Variants in RNGTT observed in about 807,000 individuals in gnomAD.
RNGTT encodes RNA guanylyltransferase and 5'-phosphatase, also known as mRNA-capping enzyme.
RNGTT carries 33 observed loss-of-function variants against 79.3 expected under a neutral mutation model. That is an observed-to-expected ratio of 0.42 (90% CI 0.32 to 0.56). The LOEUF (loss-of-function observed/expected upper bound fraction) is 0.56, where lower values mean the gene tolerates loss of function less well. Ranked by LOEUF, RNGTT falls within the 20% of genes least tolerant of loss-of-function variation. The pLI is 0.17. For synonymous variants in RNGTT, 222 were observed against 235.9 expected (o/e 0.94, Z 0.54); for missense variants, 497 against 739.1 (o/e 0.67, Z 3.80).
At chr6:88,867,821 A>G (rs1782223320) in intron 8 of RNGTT, among the ~76,000 whole-genome samples, 1 of 152,224 alleles carries the variant, frequency 6.6e-6, no homozygotes, top group Non-Finnish European at 1.5e-5. Flanking sequence ...AATGAATGCT[A>G]AAAGTAAGCT....
At chr6:88,885,485 A>C (rs1336496732) in intron 8 of RNGTT, among the ~76,000 whole-genome samples, 1 of 152,226 alleles carries the variant, frequency 6.6e-6, no homozygotes, top group Non-Finnish European at 1.5e-5. Context: ...GGAATAAAAA[A>C]AGCAAGAAAA....
chr6:88,826,805 T>C (rs552746363), intron 11 of RNGTT, among the ~76,000 whole-genome samples: 7 of 109,712 alleles, frequency 6.4e-5, no homozygotes, highest in East Asian at 2.5e-4. Flanking sequence ...AAAAAATATA[T>C]ATATATATAT....
At chr6:88,822,163 G>A (rs1245402484) in intron 11 of RNGTT, among the ~76,000 whole-genome samples, 2 of 152,062 alleles carry the variant, frequency 1.3e-5, no homozygotes, top group Non-Finnish European at 2.9e-5. Flanking sequence ...CTAGGCAAAA[G>A]GCCACTGCTA....
In RNGTT at chr6:88,844,409, T is replaced by G; in HGVS notation, c.1217A>C (p.Glu406Ala). The G allele has an allele frequency of 6.2e-7, 1 of 1,614,090 alleles. No individual in the cohort carries two copies. Among genetic ancestry groups the G allele is most frequent in the Non-Finnish European group, 8.5e-7 (1 of 1,179,978 alleles). The change falls in exon 11 of 16, where the codon GAA (glutamate) becomes GCA (alanine). Residue 406 changes from glutamate to alanine, a missense_variant. Glu to Ala is a moderately radical substitution (Grantham distance 107). Transcript: ENST00000369485. Reference protein sequence around the residue: ...MKTGLIDKTQEPFSVRNKPFF... With the variant: ...MKTGLIDKTQAPFSVRNKPFF... ...CGGCTTATTTCTGACGCTAAATGGT[T>G]CCTGTGTTTTGTCAATGAGCCCAGT... is the stretch of plus-strand genomic sequence containing the variant.
chr6:88,875,870 GA>G (rs1450735837), intron 8 of RNGTT, among the ~76,000 whole-genome samples: 1 of 151,954 alleles, frequency 6.6e-6, no homozygotes, highest in African/African-American at 2.4e-5. Flanking sequence ...AATCTTTTAA[GA>G]AAAAAATTCA....
chr6:88,886,798 T>C (rs1239618535), intron 8 of RNGTT, among the ~76,000 whole-genome samples: 3 of 152,200 alleles, frequency 2.0e-5, no homozygotes, highest in Non-Finnish European at 4.4e-5. Context: ...ACAACTAATA[T>C]AAATTTCTCA....
At chr6:88,900,294 T>C (rs1248938631) in intron 6 of RNGTT, among the ~76,000 whole-genome samples, 2 of 152,098 alleles carry the variant, frequency 1.3e-5, no homozygotes, top group African/African-American at 4.8e-5. Context: ...GATGAAGAAT[T>C]CCAGAAGAGA....
intron 14 of RNGTT, among the ~76,000 whole-genome samples, chr6:88,665,046 G>A (rs1774346122): frequency 6.6e-6 from 1 of 152,156 alleles, no homozygotes; most frequent in South Asian, 2.1e-4. Flanking sequence ...CCTTTGTTAG[G>A]AAGGGACCTG....
rs141825019 is a variant in RNGTT, at chr6:88,669,069, T to C, written c.1506+9284A>G. The stretch of plus-strand genomic sequence containing the variant: ...GTAACCCATTAGAATTAATAATTAC[T>C]AACCCCCAGGATCCCCACTGGAAGA... On this transcript the variant is annotated intron_variant, in intron 14 of 15. Transcript: ENST00000369485. Among the ~76,000 whole-genome samples, 231 of 152,252 alleles carry C rather than the reference T, an allele frequency of 1.5e-3. 1 individual carries two copies. In the Middle Eastern group the frequency reaches 0.048, roughly 31 times the overall value.
intron 15 of RNGTT, 65 bp downstream of exon 15, chr6:88,614,207 C>G: frequency 6.6e-7 from 1 of 1,524,358 alleles, no homozygotes; most frequent in Non-Finnish European, 9.0e-7. Flanking sequence ...AGGCAGCACA[C>G]TTTGGGTCTA....
chr6:88,905,692 T>C (rs1783630364), intron 5 of RNGTT, among the ~76,000 whole-genome samples: 1 of 152,204 alleles, frequency 6.6e-6, no homozygotes, highest in African/African-American at 2.4e-5. Context: ...TAAAGACATG[T>C]TGATTGGCTT....
At chr6:88,676,616 C>T (rs1252106906) in intron 14 of RNGTT, among the ~76,000 whole-genome samples, 3 of 152,068 alleles carry the variant, frequency 2.0e-5, no homozygotes, top group Non-Finnish European at 4.4e-5. Context: ...TCTTTGAGGA[C>T]ACTGTTAAGA....
chr6:88,772,291 T>C (rs578114546), intron 12 of RNGTT, among the ~76,000 whole-genome samples: 1 of 149,056 alleles, frequency 6.7e-6, no homozygotes, highest in Non-Finnish European at 1.5e-5. Flanking sequence ...AAAAAAAAGA[T>C]GGAAAGACAT....
intron 11 of RNGTT, among the ~76,000 whole-genome samples, chr6:88,843,012 C>T (rs1460096035): frequency 6.6e-6 from 1 of 151,962 alleles, no homozygotes; most frequent in South Asian, 2.1e-4. Context: ...GAGGTCAAGG[C>T]TGTGGTGAGC....
intron 4 of RNGTT, among the ~76,000 whole-genome samples, chr6:88,928,597 T>C (rs1784392454): frequency 6.6e-6 from 1 of 152,148 alleles, no homozygotes; most frequent in Non-Finnish European, 1.5e-5. Flanking sequence ...TGGAATACTA[T>C]ATAGAAGCAA....
At chr6:88,795,822 G>A (rs1029592667) in intron 12 of RNGTT, among the ~76,000 whole-genome samples, 6 of 152,138 alleles carry the variant, frequency 3.9e-5, no homozygotes, top group Non-Finnish European at 8.8e-5. Flanking sequence ...ACTATGATTT[G>A]GAAGGGGAAG....
chr6:88,708,042 GCTT>G (rs1776197960), intron 13 of RNGTT, among the ~76,000 whole-genome samples: 2 of 151,928 alleles, frequency 1.3e-5, no homozygotes, highest in Non-Finnish European at 2.9e-5. Flanking sequence ...CTGCCAGTAT[GCTT>G]CTTTCTCATG....
chr6:88,805,106 A>G (rs916057424), intron 11 of RNGTT, among the ~76,000 whole-genome samples: 2 of 152,244 alleles, frequency 1.3e-5, no homozygotes, highest in South Asian at 2.1e-4. Context: ...TAATCTATCA[A>G]ATAATAACTT....
Position 88,757,188 on chromosome 6 carries a change from G to A in RNGTT, c.1439+12586C>T, listed in dbSNP as rs144270695. Among the ~76,000 whole-genome samples the A allele has an allele frequency of 8.1e-3, 1,236 of 152,282 alleles. 61 individuals are homozygous for A. The highest frequency in any genetic ancestry group is 0.073 in the Admixed American group (1,123 of 15,290). On this transcript the variant is annotated intron_variant, in intron 13 of 15. Coordinates refer to ENST00000369485, the MANE Select transcript of RNGTT (RefSeq NM_003800.5). Reference sequence around the variant, plus strand: ...AAAACCAGAGGATCTCAGCATGATAGTTTTGGCAATGACCTACCACAGTGA... The same window carrying A: ...AAAACCAGAGGATCTCAGCATGATAATTTTGGCAATGACCTACCACAGTGA...
Sources: gnomAD v4.1 joint callset for allele counts (sites outside exome capture counted in the v4.1 genomes callset) on GRCh38, gnomAD v4.1.1 for gene constraint, MANE v1.5 for transcripts, NCBI Gene and HGNC (gene_info 2026-07-23, HGNC 2026-07-21) for gene names.